SGPL1: variants seen among roughly 807,000 people sequenced by gnomAD.
SGPL1 encodes the protein sphingosine-1-phosphate lyase 1.
Under a neutral mutation model 68.9 loss-of-function variants are expected in SGPL1, and 37 were observed. The observed-to-expected ratio is 0.54, with a 90% CI of 0.41 to 0.71. The LOEUF is 0.71. SGPL1 is among the 30% of genes least tolerant of loss of function. The pLI, the probability that SGPL1 is intolerant of heterozygous loss-of-function variation, is 0.00. For synonymous variants in SGPL1, 236 were observed against 248.5 expected (o/e 0.95, Z 0.47); for missense variants, 551 against 704.6 (o/e 0.78, Z 2.47).
intron 7 of SGPL1, chr10:70,860,245 A>G (rs1433324339): frequency 2.6e-6 from 1 of 378,022 alleles, no homozygotes; most frequent in East Asian, 7.3e-5. Context: ...GGATAGATAG[A>G]TTTAACTCAA....
chr10:70,834,555 C>A (rs1434660336), intron 2 of SGPL1, among the ~76,000 whole-genome samples: 1 of 152,142 alleles, frequency 6.6e-6, no homozygotes. Flanking sequence ...CTTTTGTAAG[C>A]AAATAAGTAG....
At position 70,880,701 on chromosome 10, in the gene SGPL1, C is replaced by T. The variant is rs1846482930; in HGVS notation, c.*3366C>T. The T allele has an allele frequency of 6.6e-6, 1 of 152,224 alleles. No individual in the cohort carries two copies. The highest frequency in any genetic ancestry group is 1.5e-5 in the Non-Finnish European group (1 of 68,046). 9.4% of individuals were successfully genotyped at this position (152,224 alleles called of 1,614,324 possible). On this transcript the variant is annotated 3_prime_UTR_variant, in exon 15 of 15. Coordinates refer to ENST00000373202, the MANE Select transcript of SGPL1 (RefSeq NM_003901.4). ...CTGTCATTCAGATAACCCAGCTTTTCCTTTTGGCTTTTAGCCCATTCAGAC... is the reference window on the plus strand; with the variant it reads ...CTGTCATTCAGATAACCCAGCTTTTTCTTTTGGCTTTTAGCCCATTCAGAC...
At chr10:70,832,593 G>T (rs1383837030) in intron 2 of SGPL1, among the ~76,000 whole-genome samples, 1 of 152,182 alleles carries the variant, frequency 6.6e-6, no homozygotes, top group Admixed American at 6.5e-5. Context: ...TTTTCCACTA[G>T]ATCTTGCTTA....
intron 7 of SGPL1, among the ~76,000 whole-genome samples, chr10:70,862,163 C>G (rs949731961): frequency 6.6e-6 from 1 of 152,212 alleles, no homozygotes; most frequent in African/African-American, 2.4e-5. Context: ...ATGTGTAGCT[C>G]AGGGATTGTA....
intron 12 of SGPL1, among the ~76,000 whole-genome samples, chr10:70,874,446 C>T (rs4747107): frequency 0.75 from 114,249 of 152,122 alleles, 43,063 homozygotes; most frequent in South Asian, 0.86. Context: ...GCCATGAGGC[C>T]GGGCGCGGTG....
chr10:70,851,428 C>CTA (rs144998273), intron 4 of SGPL1, among the ~76,000 whole-genome samples: 26,230 of 151,892 alleles, frequency 0.17, 2,896 homozygotes, highest in South Asian at 0.32. Context: ...CTGCTAAACA[C>CTA]TAAACATCCT....
intron 3 of SGPL1, among the ~76,000 whole-genome samples, chr10:70,847,566 C>T (rs1845811855): frequency 6.6e-6 from 1 of 152,090 alleles, no homozygotes; most frequent in Admixed American, 6.5e-5. Context: ...AAGGATACCA[C>T]TATTGTATTT....
intron 4 of SGPL1, 44 bp downstream of exon 4, chr10:70,851,254 C>T (rs1564624841): frequency 7.0e-7 from 1 of 1,438,352 alleles, no homozygotes; most frequent in Admixed American, 1.7e-5. Flanking sequence ...TCTTGATAAT[C>T]ATACCTCTTT....
intron 7 of SGPL1, among the ~76,000 whole-genome samples, chr10:70,862,605 ACT>A (rs894470050): frequency 1.4e-4 from 22 of 151,820 alleles, no homozygotes; most frequent in Admixed American, 3.3e-4. Context: ...GAGCTGTGAC[ACT>A]CACCACGAAG....
At chr10:70,817,678 A>G (rs1845260778) in intron 2 of SGPL1, among the ~76,000 whole-genome samples, 1 of 152,074 alleles carries the variant, frequency 6.6e-6, no homozygotes. Flanking sequence ...CTCTATTATT[A>G]CGTTTTATCA....
At chr10:70,870,570 T>C (rs1456143674) in intron 9 of SGPL1, among the ~76,000 whole-genome samples, 1 of 152,152 alleles carries the variant, frequency 6.6e-6, no homozygotes, top group Non-Finnish European at 1.5e-5. Context: ...ATTGTCATTA[T>C]GATAGTGATT....
At chr10:70,867,533 G>T (rs1203745151) in intron 7 of SGPL1, among the ~76,000 whole-genome samples, 2 of 151,066 alleles carry the variant, frequency 1.3e-5, no homozygotes, top group Non-Finnish European at 2.9e-5. Context: ...TGGCACTCCA[G>T]CCTGGGCAAC....
chr10:70,873,609 G>C lies in SGPL1; in HGVS notation c.1298+20G>C. Reference sequence around the variant, plus strand: ...GTCAGAGTATGTGTGGAAGACTGGGGTTCTGCCTTGTCTATTGCTTTTTTG... The same window carrying C: ...GTCAGAGTATGTGTGGAAGACTGGGCTTCTGCCTTGTCTATTGCTTTTTTG... On this transcript the variant is annotated intron_variant, in intron 12 of 14. Coordinates refer to ENST00000373202, the MANE Select transcript of SGPL1 (RefSeq NM_003901.4). The C allele has an allele frequency of 6.4e-7, 1 of 1,563,906 alleles. No individual in the cohort carries two copies. The highest frequency in any genetic ancestry group is 8.8e-7 in the Non-Finnish European group (1 of 1,134,368).
chr10:70,855,063 A>C (rs1845943016), intron 5 of SGPL1, among the ~76,000 whole-genome samples: 2 of 152,266 alleles, frequency 1.3e-5, no homozygotes, highest in South Asian at 2.1e-4. Context: ...TCTCAGAGAC[A>C]GTGGAACTTG....
chr10:70,828,645 G>A (rs557585799), intron 2 of SGPL1, among the ~76,000 whole-genome samples: 20 of 152,276 alleles, frequency 1.3e-4, no homozygotes, highest in African/African-American at 4.8e-4. Flanking sequence ...GTATGAAAAG[G>A]ACCCTGTTAA....
intron 3 of SGPL1, 54 bp from the exon 4 acceptor site, chr10:70,851,089 C>T: frequency 7.1e-7 from 1 of 1,405,126 alleles, no homozygotes; most frequent in Non-Finnish European, 1.0e-6. Context: ...TGCTATATGC[C>T]AGGTCATATC....
At chr10:70,854,992 G>A in intron 5 of SGPL1, 137 bp downstream of exon 5, 1 of 681,056 alleles carries the variant, frequency 1.5e-6, no homozygotes, top group Non-Finnish European at 2.2e-6. Flanking sequence ...TGTTTCACAG[G>A]TTGAATTTCC....
intron 7 of SGPL1, among the ~76,000 whole-genome samples, chr10:70,862,289 C>T (rs140989857): frequency 0.018 from 2,774 of 152,294 alleles, 63 homozygotes; most frequent in African/African-American, 0.057. Context: ...TCTCGCTGCT[C>T]TGGTGGGGGC....
chr10:70,868,394 G>A lies in SGPL1; in HGVS notation c.665G>A (p.Arg222Gln), dbSNP rs769259446. Residue 222 changes from arginine (R) to glutamine (Q), a missense_variant, in exon 8 of 15, where the codon CGG becomes CAG. Coordinates refer to ENST00000373202, the MANE Select transcript of SGPL1 (RefSeq NM_003901.4). ...ATACTGATGGCCTGCAAAGCATATCGGGATCTGGCCTTTGAGAAGGGGATC... is the reference window on the plus strand; with the variant it reads ...ATACTGATGGCCTGCAAAGCATATCAGGATCTGGCCTTTGAGAAGGGGATC... Reference protein sequence around the residue: ...ESILMACKAYRDLAFEKGIKT... With the variant: ...ESILMACKAYQDLAFEKGIKT... The A allele has an allele frequency of 5.0e-6, 8 of 1,613,776 alleles. No individual in the cohort carries two copies. The highest frequency in any genetic ancestry group is 1.1e-5 in the South Asian group (1 of 91,050).
Sources: allele counts gnomAD v4.1 joint callset (sites outside exome capture counted in the v4.1 genomes callset), GRCh38; gene constraint gnomAD v4.1.1; transcripts MANE v1.5; gene names NCBI Gene and HGNC (gene_info 2026-07-23, HGNC 2026-07-21).